Variants in PCDHA10 observed in about 807,000 individuals in gnomAD.
The protein encoded by PCDHA10 is protocadherin alpha-10.
PCDHA10 carries 45 observed loss-of-function variants against 61.2 expected under a neutral mutation model. That is an observed-to-expected ratio of 0.74 (90% CI 0.58 to 0.94). The LOEUF is 0.94. Among genes scored for constraint, PCDHA10 ranks in the 40% least tolerant of loss-of-function variants. The pLI is 0.00. For synonymous variants in PCDHA10, 602 were observed against 548.8 expected, an observed-to-expected ratio of 1.10 and a Z score of -1.35; for missense variants, 1,278 against 1,236.2, an observed-to-expected ratio of 1.03 and a Z score of -0.51.
intron 1 of PCDHA10, among the ~76,000 whole-genome samples, chr5:140,938,718 G>A (rs1186763511): frequency 5.3e-5 from 8 of 151,986 alleles, no homozygotes; most frequent in Non-Finnish European, 1.0e-4. Flanking sequence ...ATAGAAACGC[G>A]TTTCTACAGA....
chr5:140,884,174 C>T (rs540874524), intron 1 of PCDHA10: 6 of 1,613,436 alleles, frequency 3.7e-6, no homozygotes, highest in Middle Eastern at 1.7e-4. Flanking sequence ...CACGACGCGC[C>T]CTCTGGACGA....
At chr5:140,981,392 G>A (rs565370456) in intron 2 of PCDHA10, among the ~76,000 whole-genome samples, 1 of 152,208 alleles carries the variant, frequency 6.6e-6, no homozygotes, top group South Asian at 2.1e-4. Context: ...TGGTCAATAT[G>A]GTGAAAACCT....
chr5:140,934,235 A>G (rs1202721010), intron 1 of PCDHA10, among the ~76,000 whole-genome samples: 1 of 152,048 alleles, frequency 6.6e-6, no homozygotes, highest in Non-Finnish European at 1.5e-5. Flanking sequence ...TTTGTACTTA[A>G]TTGTGGAGAT....
rs2096830970 is a variant in PCDHA10, at chr5:140,978,991, A to C, written c.2431A>C (p.Arg811=). Residue 811 remains arginine, a synonymous_variant, in exon 2 of 4, where the codon AGA becomes CGA. Coordinates refer to ENST00000307360, the MANE Select transcript of PCDHA10 (RefSeq NM_018901.4). ...TGACTGGCGTTACTCTGCCTCCCTG[A>C]GAGCAGGCATGCACAGGTATGTATT... ...NPDWRYSASL[R]AGMHSSVHLE... is the part of the protein sequence containing the mutation. 1.2e-6 allele frequency: 2 copies of C among 1,614,188 alleles called. No individual in the cohort carries two copies. Among genetic ancestry groups the C allele is most frequent in the East Asian group, 2.2e-5 (1 of 44,882 alleles).
chr5:140,896,453 C>T (rs782013950), intron 1 of PCDHA10, among the ~76,000 whole-genome samples: 3 of 152,106 alleles, frequency 2.0e-5, no homozygotes, highest in Non-Finnish European at 2.9e-5. Context: ...ACCTCCACCT[C>T]CTGGGTTCAA....
At chr5:140,870,838 C>T (rs1554164743) in intron 1 of PCDHA10, 4 of 1,613,700 alleles carry the variant, frequency 2.5e-6, no homozygotes, top group Admixed American at 3.3e-5. Context: ...AGTTAACAAG[C>T]TAGTACCGCG....
At position 140,978,971 on chromosome 5, in the gene PCDHA10, G is replaced by T. The variant is rs782774245; in HGVS notation, c.2411G>T (p.Trp804Leu). Residue 804 changes from tryptophan (W) to leucine (L), a missense_variant, in exon 2 of 4, where the codon TGG becomes TTG. Physicochemically the swap from Trp to Leu is moderately conservative, Grantham distance 61 (BLOSUM62 -2). Coordinates refer to ENST00000307360, the MANE Select transcript of PCDHA10 (RefSeq NM_018901.4). ...SRKPRQPNPD[W>L]RYSASLRAGM... is the part of the protein sequence containing the mutation. ...CAGCCACGACAGCCCAACCCTGACT[G>T]GCGTTACTCTGCCTCCCTGAGAGCA... The T allele has an allele frequency of 6.2e-7, 1 of 1,614,170 alleles. No individual in the cohort carries two copies. The highest frequency in any genetic ancestry group is 1.1e-5 in the South Asian group (1 of 91,076).
intron 1 of PCDHA10, chr5:140,966,833 C>G: frequency 2.6e-6 from 4 of 1,563,480 alleles, no homozygotes; most frequent in Non-Finnish European, 3.5e-6. Flanking sequence ...CATGCCCTGG[C>G]TGCTGCTACT....
At chr5:140,995,424 A>G (rs868948138) in intron 3 of PCDHA10, among the ~76,000 whole-genome samples, 10 of 152,186 alleles carry the variant, frequency 6.6e-5, no homozygotes, top group South Asian at 2.1e-4. Flanking sequence ...ATTACTCAGA[A>G]CAGCTTGCAA....
At chr5:140,903,351 A>G (rs2070226814) in intron 1 of PCDHA10, among the ~76,000 whole-genome samples, 1 of 152,236 alleles carries the variant, frequency 6.6e-6, no homozygotes, top group Non-Finnish European at 1.5e-5. Context: ...TTTAAAAAAC[A>G]AGTTTTTCAA....
intron 2 of PCDHA10, among the ~76,000 whole-genome samples, chr5:140,981,515 A>C (rs1554242933): frequency 1.3e-5 from 2 of 152,230 alleles, no homozygotes. Context: ...CAGAGGTTGC[A>C]GTGAGCTGAG....
At chr5:140,927,295 G>T (rs1343982131) in intron 1 of PCDHA10, 2 of 1,614,032 alleles carry the variant, frequency 1.2e-6, no homozygotes, top group African/African-American at 2.7e-5. Context: ...GCACATCCCC[G>T]AGTTCCTGAC....
At position 140,955,726 on chromosome 5, in the gene PCDHA10, C is replaced by A. The variant is rs934215613; in HGVS notation, c.2389-23223C>A. Among the ~76,000 whole-genome samples the A allele has an allele frequency of 8.5e-5, 13 of 152,264 alleles. No individual in the cohort carries two copies. In the South Asian group the frequency reaches 2.5e-3, roughly 29 times the overall value. Reference sequence around the variant, plus strand: ...AAGTTTAATAGGAATACCATTGAATCTATAAATTACTTTGAGCATTATTGC... The same window carrying A: ...AAGTTTAATAGGAATACCATTGAATATATAAATTACTTTGAGCATTATTGC... On this transcript the variant is annotated intron_variant, in intron 1 of 3. Coordinates refer to ENST00000307360, the MANE Select transcript of PCDHA10 (RefSeq NM_018901.4).
At chr5:140,928,065 T>G in intron 1 of PCDHA10, 20 of 1,614,198 alleles carry the variant, frequency 1.2e-5, no homozygotes, top group Non-Finnish European at 1.6e-5. Context: ...CGGCTTCCTT[T>G]GACAACTACT....
intron 1 of PCDHA10, among the ~76,000 whole-genome samples, chr5:140,889,560 T>C (rs2062271183): frequency 6.6e-6 from 1 of 152,204 alleles, no homozygotes. Context: ...TCTTCAGAAT[T>C]CTGCTTTCTG....
In PCDHA10 at chr5:141,002,220, G is replaced by GC. The variant is rs1319895049; in HGVS notation, c.2537-7407_2537-7406insC. ...AGTCCCCGGCTTTAATCAAAATGAT[G>GC]GGTTTTCTGGAAGCTCTTTATTAAC... On this transcript the variant is annotated intron_variant, in intron 3 of 3. Coordinates refer to ENST00000307360, the MANE Select transcript of PCDHA10 (RefSeq NM_018901.4). Among the ~76,000 whole-genome samples, 33 of 152,196 alleles carry GC rather than the reference G, an allele frequency of 2.2e-4. 1 individual carries two copies. Among genetic ancestry groups the GC allele is most frequent in the Admixed American group, 1.0e-3 (16 of 15,274 alleles).
chr5:140,872,593 A>T (rs1214441484), intron 1 of PCDHA10, among the ~76,000 whole-genome samples: 1 of 152,160 alleles, frequency 6.6e-6, no homozygotes, highest in African/African-American at 2.4e-5. Flanking sequence ...TGAGACCCCC[A>T]TCTGAAAAAA....
intron 1 of PCDHA10, chr5:140,966,987 C>T (rs782372991): frequency 6.2e-7 from 1 of 1,604,132 alleles, no homozygotes; most frequent in South Asian, 1.1e-5. Context: ...CGCTTGGGGC[C>T]GGGTTGCTTG....
At chr5:141,002,702 G>A (rs2153975030) in intron 3 of PCDHA10, among the ~76,000 whole-genome samples, 1 of 152,294 alleles carries the variant, frequency 6.6e-6, no homozygotes, top group South Asian at 2.1e-4. Context: ...GTTTAACTCT[G>A]TTGCACACAC....
Sources: gnomAD v4.1 joint callset for allele counts (sites outside exome capture counted in the v4.1 genomes callset) on GRCh38, gnomAD v4.1.1 for gene constraint, MANE v1.5 for transcripts, NCBI Gene and HGNC (gene_info 2026-07-23, HGNC 2026-07-21) for gene names.